Variants in ADGRL3 observed in about 807,000 individuals in gnomAD.
ADGRL3 encodes the protein adhesion G protein-coupled receptor L3.
In ADGRL3, 62 loss-of-function variants were observed where a neutral mutation model predicts 153.5. The ratio of observed to expected loss-of-function variants is 0.40; its 90% CI spans 0.33 to 0.50. The LOEUF is 0.50. Among genes scored for constraint, ADGRL3 ranks in the 20% least tolerant of loss-of-function variants. The probability of loss-of-function intolerance (pLI) is 0.47; values close to 1 mark genes in which losing one functional copy is unlikely to be tolerated. For synonymous variants in ADGRL3, 710 were observed against 672.5 expected (o/e 1.06, Z -0.86); for missense variants, 1,641 against 1,859.4 (o/e 0.88, Z 2.16).
chr4:62,047,163 A>T (rs192970004), intron 25 of ADGRL3, among the ~76,000 whole-genome samples: 1,766 of 151,714 alleles, frequency 0.012, 20 homozygotes, highest in Non-Finnish European at 0.018. Context: ...GTTTTTTTTT[A>T]AATTCAGACT....
At chr4:61,737,146 T>C (rs2096528477) in intron 8 of ADGRL3, among the ~76,000 whole-genome samples, 1 of 152,112 alleles carries the variant, frequency 6.6e-6, no homozygotes, top group East Asian at 1.9e-4. Flanking sequence ...TATGTGTCTA[T>C]GTACAGAAAC....
At chr4:61,693,862 T>G (rs2151174817) in intron 6 of ADGRL3, among the ~76,000 whole-genome samples, 1 of 152,218 alleles carries the variant, frequency 6.6e-6, no homozygotes, top group Middle Eastern at 3.4e-3. Context: ...TTGATTCCAC[T>G]TAGGAGAGGA....
chr4:61,334,220 AT>A (rs956506869), intron 1 of ADGRL3, among the ~76,000 whole-genome samples: 1 of 151,884 alleles, frequency 6.6e-6, no homozygotes, highest in Non-Finnish European at 1.5e-5. Context: ...CCCAGCCAAC[AT>A]TTTTTTTAAA....
chr4:61,973,497 A>G (rs942289063), intron 17 of ADGRL3, among the ~76,000 whole-genome samples: 2 of 152,174 alleles, frequency 1.3e-5, no homozygotes, highest in African/African-American at 2.4e-5. Context: ...TTTCAAATAT[A>G]TGAATAGAAA....
At chr4:61,805,018 C>T (rs1041888510) in intron 8 of ADGRL3, among the ~76,000 whole-genome samples, 3 of 150,146 alleles carry the variant, frequency 2.0e-5, no homozygotes, top group Non-Finnish European at 4.4e-5. Context: ...TGCAGTGGGG[C>T]GATCTCGGCT....
Position 61,383,858 on chromosome 4 carries a change from A to C in ADGRL3, c.-174+669A>C, listed in dbSNP as rs573294913. ...GAAGGCAAAACAGGCCCACATATTAATCAATCAACAGTTCAATGAGAATTT... is the reference window on the plus strand; with the variant it reads ...GAAGGCAAAACAGGCCCACATATTACTCAATCAACAGTTCAATGAGAATTT... On this transcript the variant is annotated intron_variant, in intron 2 of 26. Transcript: ENST00000683033. 3.4e-4 allele frequency among the ~76,000 whole-genome samples: 52 copies of C among 151,958 alleles called. 1 individual carries two copies. The highest frequency in any genetic ancestry group is 6.2e-4 in the South Asian group (3 of 4,830).
chr4:61,412,170 G>C (rs2097095331), intron 2 of ADGRL3, among the ~76,000 whole-genome samples: 1 of 152,086 alleles, frequency 6.6e-6, no homozygotes, highest in Non-Finnish European at 1.5e-5. Flanking sequence ...CTGCAGCCTT[G>C]ACCTGGCTCA....
intron 1 of ADGRL3, among the ~76,000 whole-genome samples, chr4:61,310,765 T>TTCC (rs2094970048): frequency 6.6e-6 from 1 of 151,944 alleles, no homozygotes; most frequent in African/African-American, 2.4e-5. Context: ...TTTGTTCCCT[T>TTCC]TCCTTTCATC....
intron 4 of ADGRL3, among the ~76,000 whole-genome samples, chr4:61,521,318 A>G (rs2098529752): frequency 6.6e-6 from 1 of 152,160 alleles, no homozygotes; most frequent in Non-Finnish European, 1.5e-5. Context: ...GTTCAGGATG[A>G]TTGAAACATA....
chr4:61,515,096 C>T (rs563206471), intron 3 of ADGRL3, among the ~76,000 whole-genome samples: 4 of 152,252 alleles, frequency 2.6e-5, no homozygotes, highest in African/African-American at 9.6e-5. Context: ...TGTCTTAAAA[C>T]TAAGCTCTTT....
Position 61,497,190 on chromosome 4 carries a change from A to T in ADGRL3, c.-104A>T. ...TCTTTTTCTTTTTAATTTGAAGAAA[A>T]ATCATCAGTCTTGGAATACAGAAGA... On this transcript the variant is annotated 5_prime_UTR_variant, in exon 3 of 27. Transcript: ENST00000683033. The T allele has an allele frequency of 1.5e-6, 1 of 673,702 alleles. No homozygotes were observed. The highest frequency in any genetic ancestry group is 2.5e-6 in the Non-Finnish European group (1 of 399,566). The allele number at this position is 673,702 out of a possible 1,614,324, so 41.7% of individuals were successfully genotyped here.
intron 7 of ADGRL3, among the ~76,000 whole-genome samples, chr4:61,731,228 A>G (rs2096436461): frequency 6.6e-6 from 1 of 151,876 alleles, no homozygotes; most frequent in Non-Finnish European, 1.5e-5. Flanking sequence ...CTGTTCCCAA[A>G]CTTGTTATTT....
intron 9 of ADGRL3, among the ~76,000 whole-genome samples, chr4:61,862,553 T>G (rs2098353402): frequency 6.6e-6 from 1 of 152,196 alleles, no homozygotes; most frequent in South Asian, 2.1e-4. Flanking sequence ...ACATGTTCCT[T>G]GATATTATGT....
intron 9 of ADGRL3, among the ~76,000 whole-genome samples, chr4:61,858,191 A>G (rs544120195): frequency 6.6e-6 from 1 of 152,336 alleles, no homozygotes; most frequent in South Asian, 2.1e-4. Flanking sequence ...AACTTTTACT[A>G]TAAAATACCA....
At chr4:61,837,311 A>G (rs1242946128) in intron 9 of ADGRL3, among the ~76,000 whole-genome samples, 1 of 152,194 alleles carries the variant, frequency 6.6e-6, no homozygotes, top group Non-Finnish European at 1.5e-5. Context: ...CTTATTTAAA[A>G]GTGTAATGCA....
chr4:61,866,254 G>T (rs951599453), intron 9 of ADGRL3, among the ~76,000 whole-genome samples: 21 of 152,118 alleles, frequency 1.4e-4, no homozygotes, highest in African/African-American at 5.1e-4. Flanking sequence ...AAGCTTCCAT[G>T]AATCCCTTAT....
At chr4:61,888,511 G>A (rs926117624) in intron 9 of ADGRL3, among the ~76,000 whole-genome samples, 1 of 152,168 alleles carries the variant, frequency 6.6e-6, no homozygotes, top group African/African-American at 2.4e-5. Context: ...CTTGGGCGCT[G>A]GTGACAGCAT....
At chr4:61,377,673 G>A (rs768918155) in intron 1 of ADGRL3, among the ~76,000 whole-genome samples, 10 of 151,936 alleles carry the variant, frequency 6.6e-5, no homozygotes, top group Non-Finnish European at 1.0e-4. Context: ...TTCTGGTAAA[G>A]TTTACACCTT....
chr4:61,341,016 G>A (rs914522819), intron 1 of ADGRL3, among the ~76,000 whole-genome samples: 4 of 151,878 alleles, frequency 2.6e-5, no homozygotes, highest in Non-Finnish European at 5.9e-5. Flanking sequence ...CTAAGAGAAT[G>A]TATCAGTATT....
Sources: allele counts gnomAD v4.1 joint callset (sites outside exome capture counted in the v4.1 genomes callset), GRCh38; gene constraint gnomAD v4.1.1; transcripts MANE v1.5; gene names NCBI Gene and HGNC (gene_info 2026-07-23, HGNC 2026-07-21).